The following CADM1 variants were observed in gnomAD, a reference collection of about 807,000 sequenced individuals.
CADM1 encodes cell adhesion molecule 1.
In CADM1, 15 loss-of-function variants were observed where a neutral mutation model predicts 53.1. The ratio of observed to expected loss-of-function variants is 0.28; its 90% CI spans 0.19 to 0.44. The LOEUF (loss-of-function observed/expected upper bound fraction) is 0.44, where lower values mean the gene tolerates loss of function less well. CADM1 is among the 20% of genes least tolerant of loss of function. The pLI is 1.00. For synonymous variants in CADM1, 281 were observed against 243.0 expected (o/e 1.16, Z -1.45); for missense variants, 434 against 611.3 (o/e 0.71, Z 3.06).
intron 7 of CADM1, among the ~76,000 whole-genome samples, chr11:115,210,958 C>T (rs766522514): frequency 6.6e-6 from 1 of 152,134 alleles, no homozygotes; most frequent in Non-Finnish European, 1.5e-5. Context: ...CAATGGGAGG[C>T]TCCGTTCCTT....
chr11:115,503,097 A>G (rs1949766555), intron 1 of CADM1, among the ~76,000 whole-genome samples: 1 of 151,872 alleles, frequency 6.6e-6, no homozygotes. Context: ...TGGAGCCTGC[A>G]GCAGGGGCCA....
At chr11:115,213,862 T>G (rs1182810206) in intron 7 of CADM1, among the ~76,000 whole-genome samples, 1 of 152,188 alleles carries the variant, frequency 6.6e-6, no homozygotes, top group Non-Finnish European at 1.5e-5. Flanking sequence ...AGAGACTTAA[T>G]TTGATATTAT....
intron 1 of CADM1, among the ~76,000 whole-genome samples, chr11:115,456,484 TAAGTC>T (rs1471688592): frequency 1.3e-5 from 2 of 152,164 alleles, no homozygotes; most frequent in African/African-American, 4.8e-5. Context: ...AATTTTATCT[TAAGTC>T]AGATGAGTTT....
chr11:115,199,267 C>T (rs1358248456), intron 8 of CADM1, among the ~76,000 whole-genome samples: 2 of 152,210 alleles, frequency 1.3e-5, no homozygotes, highest in Non-Finnish European at 2.9e-5. Context: ...GCCATCCTTT[C>T]GCTCACAATT....
chr11:115,268,417 TCAC>T (rs1565334937), intron 1 of CADM1, among the ~76,000 whole-genome samples: 1 of 152,168 alleles, frequency 6.6e-6, no homozygotes, highest in Admixed American at 6.5e-5. Flanking sequence ...AAACCAATCC[TCAC>T]CACCACAACC....
chr11:115,455,061 C>A (rs1041730409), intron 1 of CADM1, among the ~76,000 whole-genome samples: 3 of 152,132 alleles, frequency 2.0e-5, no homozygotes, highest in Non-Finnish European at 4.4e-5. Context: ...ATAGGTGAGA[C>A]TGGAAAAAGC....
intron 1 of CADM1, among the ~76,000 whole-genome samples, chr11:115,346,241 G>C (rs1298957839): frequency 6.6e-6 from 1 of 152,166 alleles, no homozygotes; most frequent in African/African-American, 2.4e-5. Context: ...TGCATGGCTT[G>C]GCTTGTATTC....
intron 10 of CADM1, among the ~76,000 whole-genome samples, chr11:115,186,008 C>T (rs1221684721): frequency 1.3e-5 from 2 of 152,146 alleles, no homozygotes; most frequent in African/African-American, 4.8e-5. Context: ...AAGAAAAGTT[C>T]CCGTTTGATG....
chr11:115,502,654 T>C (rs973581708), intron 1 of CADM1, among the ~76,000 whole-genome samples: 21 of 152,060 alleles, frequency 1.4e-4, no homozygotes, highest in Non-Finnish European at 2.9e-4. Flanking sequence ...AGCGCTGGAA[T>C]TGACGCTGCT....
At chr11:115,269,210 G>A (rs1265931726) in intron 1 of CADM1, among the ~76,000 whole-genome samples, 1 of 152,072 alleles carries the variant, frequency 6.6e-6, no homozygotes, top group African/African-American at 2.4e-5. Flanking sequence ...TTGCTCTTGT[G>A]AAAACACACA....
rs372132668 is a variant in CADM1, at chr11:115,380,328, C to T, written c.124+123943G>A. Among the ~76,000 whole-genome samples the T allele has an allele frequency of 2.4e-3, 369 of 152,234 alleles. 1 individual carries two copies. Among genetic ancestry groups the T allele is most frequent in the Non-Finnish European group, 4.3e-3 (290 of 68,014 alleles). On this transcript the variant is annotated intron_variant, in intron 1 of 11. Coordinates refer to ENST00000331581, the MANE Select transcript of CADM1 (RefSeq NM_001301043.2). ...TTGAACTCAAGCAATTCTCAGCCCTCGCATGCCAGTCCTGATTATTCTCTT... is the reference window on the plus strand; with the variant it reads ...TTGAACTCAAGCAATTCTCAGCCCTTGCATGCCAGTCCTGATTATTCTCTT...
chr11:115,463,876 G>T (rs1948844099), intron 1 of CADM1, among the ~76,000 whole-genome samples: 1 of 125,594 alleles, frequency 8.0e-6, no homozygotes, highest in Non-Finnish European at 1.6e-5. Flanking sequence ...CCGGGGGCGG[G>T]GTGCAGCCAA....
intron 1 of CADM1, among the ~76,000 whole-genome samples, chr11:115,298,978 A>G (rs976695605): frequency 3.9e-5 from 6 of 152,222 alleles, no homozygotes; most frequent in Non-Finnish European, 5.9e-5. Flanking sequence ...ACTAATATCA[A>G]GAAGATCACC....
intron 1 of CADM1, among the ~76,000 whole-genome samples, chr11:115,486,030 C>T (rs1949366362): frequency 6.6e-6 from 1 of 152,202 alleles, no homozygotes; most frequent in South Asian, 2.1e-4. Context: ...AGTCCAAAAT[C>T]AAAGCACACC....
At chr11:115,455,404 C>CAT (rs201361698) in intron 1 of CADM1, among the ~76,000 whole-genome samples, 150 of 150,122 alleles carry the variant, frequency 1.0e-3, no homozygotes, top group Admixed American at 2.7e-3. Flanking sequence ...AAAAAAAAAT[C>CAT]ATATATATAT....
At chr11:115,183,209 T>C (rs372562491) in intron 10 of CADM1, among the ~76,000 whole-genome samples, 3 of 152,150 alleles carry the variant, frequency 2.0e-5, no homozygotes, top group Middle Eastern at 3.2e-3. Flanking sequence ...CTAGGAGACT[T>C]TTCTTTCTCT....
chr11:115,496,224 T>C (rs1949607757), intron 1 of CADM1, among the ~76,000 whole-genome samples: 1 of 152,090 alleles, frequency 6.6e-6, no homozygotes, highest in South Asian at 2.1e-4. Context: ...AGAAAGAAAC[T>C]TGTGGGTTGA....
Position 115,170,160 on chromosome 11 carries a change from T to G in CADM1, c.*6314A>C, listed in dbSNP as rs888899114. Reference sequence around the variant, plus strand: ...GAGGCGGTCACGTCTGAAATATGACTGTGAGCCTGTGCACGTCTGGAGGGC... The same window carrying G: ...GAGGCGGTCACGTCTGAAATATGACGGTGAGCCTGTGCACGTCTGGAGGGC... On this transcript the variant is annotated 3_prime_UTR_variant, in exon 12 of 12. Coordinates refer to ENST00000331581, the MANE Select transcript of CADM1 (RefSeq NM_001301043.2). The G allele has an allele frequency of 6.4e-6, 1 of 155,656 alleles. No homozygotes were observed. Among genetic ancestry groups the G allele is most frequent in the Non-Finnish European group, 1.4e-5 (1 of 70,068 alleles). 9.6% of individuals were successfully genotyped at this position (155,656 alleles called of 1,614,324 possible).
intron 1 of CADM1, among the ~76,000 whole-genome samples, chr11:115,308,673 C>A (rs1474006840): frequency 6.6e-6 from 1 of 151,852 alleles, no homozygotes; most frequent in Non-Finnish European, 1.5e-5. Context: ...AGTGCTATTC[C>A]TGTTACACAC....
Sources: allele counts gnomAD v4.1 joint callset (sites outside exome capture counted in the v4.1 genomes callset), GRCh38; gene constraint gnomAD v4.1.1; transcripts MANE v1.5; gene names NCBI Gene and HGNC (gene_info 2026-07-23, HGNC 2026-07-21).